WDR1: variants seen among roughly 807,000 people sequenced by gnomAD.
WDR1 encodes WD repeat-containing protein 1.
WDR1 carries 21 observed loss-of-function variants against 71.9 expected under a neutral mutation model. That is an observed-to-expected ratio of 0.29 (90% CI 0.21 to 0.42). The LOEUF is 0.42. Ranked by LOEUF, WDR1 falls within the 10% of genes least tolerant of loss-of-function variation. The pLI, the probability that WDR1 is intolerant of heterozygous loss-of-function variation, is 1.00. For missense variants in WDR1, 696 were observed against 824.5 expected, an observed-to-expected ratio of 0.84 and a Z score of 1.91; for synonymous variants, 424 against 347.4, an observed-to-expected ratio of 1.22 and a Z score of -2.45.
chr4:10,116,605 G>A (rs757343327), intron 1 of WDR1, 46 bp downstream of exon 1: 7 of 1,184,340 alleles, frequency 5.9e-6, no homozygotes, highest in South Asian at 3.9e-5. Flanking sequence ...GACCGGGGCC[G>A]GGGCAGCGCG....
chr4:10,081,762 C>A (rs1765024422), intron 10 of WDR1, among the ~76,000 whole-genome samples: 1 of 151,904 alleles, frequency 6.6e-6, no homozygotes, highest in African/African-American at 2.4e-5. Flanking sequence ...TGGCTTTTGT[C>A]CCCCTGTCTG....
chr4:10,081,681 G>T lies in WDR1; in HGVS notation c.1197-237C>A, dbSNP rs866528912. Among the ~76,000 whole-genome samples the T allele has an allele frequency of 3.2e-4, 44 of 139,410 alleles. 1 individual carries two copies. In the South Asian group the frequency reaches 0.011, roughly 35 times the overall value. 91.5% of individuals were successfully genotyped at this position (139,410 alleles called of 152,430 possible). ...GGAGGGGTGGGGGGGGGGGAAGGAGGGGCGGGAGGCGGTGAAAGGCGTTGA... is the reference window on the plus strand; with the variant it reads ...GGAGGGGTGGGGGGGGGGGAAGGAGTGGCGGGAGGCGGTGAAAGGCGTTGA... On this transcript the variant is annotated intron_variant, in intron 10 of 14. Transcript: ENST00000499869.
intron 2 of WDR1, among the ~76,000 whole-genome samples, chr4:10,112,334 C>G (rs1408693515): frequency 6.6e-6 from 1 of 152,152 alleles, no homozygotes; most frequent in Non-Finnish European, 1.5e-5. Flanking sequence ...CACAGACTAT[C>G]CATCCCTTCT....
rs979480210 is a variant in WDR1, at chr4:10,074,998, C to T, written c.*380G>A. The stretch of plus-strand genomic sequence containing the variant: ...GTTCTGCAGGCAGGAACATGAGCCC[C>T]CCGGCTCATTCACCTGTACAACCTC... On this transcript the variant is annotated 3_prime_UTR_variant, in exon 15 of 15. Transcript: ENST00000499869. The T allele has an allele frequency of 9.6e-5, 29 of 301,312 alleles. No homozygotes were observed. Among genetic ancestry groups the T allele is most frequent in the Middle Eastern group, 9.1e-4 (1 of 1,104 alleles). The allele number at this position is 301,312 out of a possible 1,614,324, so 18.7% of individuals were successfully genotyped here.
chr4:10,104,203 C>A (rs1712886508), intron 2 of WDR1, among the ~76,000 whole-genome samples: 1 of 152,218 alleles, frequency 6.6e-6, no homozygotes, highest in Non-Finnish European at 1.5e-5. Flanking sequence ...ATTCGTTCTC[C>A]TTAGTCTATG....
At chr4:10,080,776 G>T (rs1055898162) in intron 11 of WDR1, among the ~76,000 whole-genome samples, 2 of 152,236 alleles carry the variant, frequency 1.3e-5, no homozygotes, top group Non-Finnish European at 2.9e-5. Context: ...CACTGTCTGG[G>T]GTTAGAAGCC....
chr4:10,077,618 G>A lies in WDR1; in HGVS notation c.1569+135C>T, dbSNP rs929688995. 2.8e-6 allele frequency: 4 copies of A among 1,444,736 alleles called. No homozygotes were observed. The African/African-American group carries it at 5.7e-5, about 21-fold the overall frequency. 89.5% of individuals were successfully genotyped at this position (1,444,736 alleles called of 1,614,324 possible). A position where few individuals can be genotyped will look rare whatever the true frequency, so the allele number is the denominator to read the frequency against. On this transcript the variant is annotated intron_variant, in intron 13 of 14. Transcript: ENST00000499869. ...TGACTCCTCAGAAGCATGGCACGAGGCACCTGCTACTTGTAGAGGCAAGAA... is the reference window on the plus strand; with the variant it reads ...TGACTCCTCAGAAGCATGGCACGAGACACCTGCTACTTGTAGAGGCAAGAA...
At chr4:10,116,526 G>C in intron 1 of WDR1, 125 bp downstream of exon 1, 1 of 782,914 alleles carries the variant, frequency 1.3e-6, no homozygotes. Flanking sequence ...CCACGCCTCC[G>C]GCCGGCGCCC....
At chr4:10,090,199 A>G (rs1711879865) in intron 5 of WDR1, among the ~76,000 whole-genome samples, 1 of 152,158 alleles carries the variant, frequency 6.6e-6, no homozygotes, top group Non-Finnish European at 1.5e-5. Context: ...AAGGCACCCA[A>G]TCTGTGGCTT....
In WDR1 at chr4:10,074,986, G is replaced by T. The variant is rs1023452091; in HGVS notation, c.*392C>A. On this transcript the variant is annotated 3_prime_UTR_variant, in exon 15 of 15. Transcript: ENST00000499869. ...TAGTACAGAAATGTTCTGCAGGCAGGAACATGAGCCCCCCGGCTCATTCAC... is the reference window on the plus strand; with the variant it reads ...TAGTACAGAAATGTTCTGCAGGCAGTAACATGAGCCCCCCGGCTCATTCAC... The T allele has an allele frequency of 1.1e-5, 3 of 276,206 alleles. No individual in the cohort carries two copies. The highest frequency in any genetic ancestry group is 2.0e-5 in the Non-Finnish European group (3 of 146,450). The allele number at this position is 276,206 out of a possible 1,614,324, so 17.1% of individuals were successfully genotyped here.
chr4:10,111,282 AG>A (rs1163988172), intron 2 of WDR1, among the ~76,000 whole-genome samples: 9 of 152,154 alleles, frequency 5.9e-5, no homozygotes, highest in Non-Finnish European at 1.3e-4. Context: ...TCAGTGCCAC[AG>A]TAACAGCCCA....
intron 8 of WDR1, 23 bp from the exon 9 acceptor site, chr4:10,084,553 G>C: frequency 6.2e-7 from 1 of 1,610,188 alleles, no homozygotes; most frequent in Non-Finnish European, 8.5e-7. Context: ...CACACTGGGC[G>C]GGTAAGCTGA....
chr4:10,103,802 C>CCCCCCCCCCCAGCCCCAA, intron 3 of WDR1, 94 bp downstream of exon 3: 1 of 710,064 alleles, frequency 1.4e-6, no homozygotes, highest in Non-Finnish European at 2.2e-6. Flanking sequence ...TCCCTCCTCC[C>CCCCCCCCCCCAGCCCCAA]ACTCTCCCAA....
In WDR1 at chr4:10,087,700, G is replaced by C; in HGVS notation, c.951+7C>G. On this transcript the variant is annotated splice_region_variant and intron_variant, in intron 8 of 14. Transcript: ENST00000499869. ...GCGGGCAGAGCCTTCCCCAGGGCAG[G>C]CCTTACCTTGATGACGTGCAGGGGC... 1.3e-6 allele frequency: 2 copies of C among 1,579,020 alleles called. No homozygotes were observed. Among genetic ancestry groups the C allele is most frequent in the South Asian group, 2.3e-5 (2 of 86,300 alleles).
At chr4:10,081,671 G>C (rs1391236874) in intron 10 of WDR1, among the ~76,000 whole-genome samples, 1 of 133,324 alleles carries the variant, frequency 7.5e-6, no homozygotes, top group Non-Finnish European at 1.6e-5. Context: ...GGTGGGGGGG[G>C]GGGAAGGAGG....
intron 2 of WDR1, among the ~76,000 whole-genome samples, chr4:10,106,777 C>T (rs1200050534): frequency 1.3e-5 from 2 of 152,190 alleles, no homozygotes; most frequent in African/African-American, 4.8e-5. Flanking sequence ...GGCTGAGATA[C>T]TCCAAACTGC....
chr4:10,113,691 C>T (rs1019435381), intron 2 of WDR1, among the ~76,000 whole-genome samples: 4 of 152,170 alleles, frequency 2.6e-5, no homozygotes, highest in East Asian at 3.8e-4. Context: ...ATAGCTTAGT[C>T]GTGGGTGGAG....
rs1359688601 is a variant in WDR1, at chr4:10,078,908, C to A, written c.1378G>T (p.Val460Leu). The A allele has an allele frequency of 6.2e-7, 1 of 1,612,782 alleles. No individual in the cohort carries two copies. The highest frequency in any genetic ancestry group is 8.5e-7 in the Non-Finnish European group (1 of 1,179,304). Residue 460 changes from valine (V) to leucine (L), a missense_variant, in exon 12 of 15, where the codon GTG becomes TTG. Transcript: ENST00000499869. ...CGACTTACCACACCCCCAATTGCCA[C>A]CGTGTCCCCGCCGGGGTGCACTGCC... ...VVAVHPGGDT[V>L]AIGGVDGNVR...
Position 10,075,210 on chromosome 4 carries a change from A to AACGTGT in WDR1, c.*162_*167dup, listed in dbSNP as rs1331709468. The stretch of plus-strand genomic sequence containing the variant: ...TGTTACTGTCTAAAGCTTTCAGAAG[A>AACGTGT]ACGTGTACAGACACCCTGCAGAGAC... On this transcript the variant is annotated 3_prime_UTR_variant, in exon 15 of 15. Transcript: ENST00000499869. 5 of 606,826 alleles carry AACGTGT rather than the reference A, an allele frequency of 8.2e-6. No homozygotes were observed. In the Admixed American group the frequency reaches 1.1e-4, roughly 14 times the overall value. The allele number at this position is 606,826 out of a possible 1,614,324, so 37.6% of individuals were successfully genotyped here.
Sources: allele counts gnomAD v4.1 joint callset (sites outside exome capture counted in the v4.1 genomes callset), GRCh38; gene constraint gnomAD v4.1.1; transcripts MANE v1.5; gene names NCBI Gene and HGNC (gene_info 2026-07-23, HGNC 2026-07-21).